Variants in TYW1B observed in about 807,000 individuals in gnomAD.
TYW1B encodes the protein tRNA-yW synthesizing protein 1 homolog B, also known as S-adenosyl-L-methionine-dependent tRNA 4-demethylwyosine synthase TYW1B.
TYW1B carries 73 observed loss-of-function variants against 86.9 expected under a neutral mutation model. The ratio of observed to expected loss-of-function variants is 0.84; its 90% CI spans 0.70 to 1.02. The LOEUF is 1.02. Ranked by LOEUF, TYW1B falls within the 50% of genes least tolerant of loss-of-function variation. TYW1B has a pLI of 0.00. For missense variants in TYW1B, 637 were observed against 827.4 expected (o/e 0.77, Z 2.82); for synonymous variants, 248 against 292.8 (o/e 0.85, Z 1.56).
rs555969072 is a variant in TYW1B, at chr7:72,673,823, T to G, written c.1506+20864A>C. Among the ~76,000 whole-genome samples the G allele has an allele frequency of 3.5e-3, 530 of 151,610 alleles. 1 individual carries two copies. Among genetic ancestry groups the G allele is most frequent in the African/African-American group, 0.01 (417 of 41,498 alleles). ...GATACCACATTTTCTATCACGTAAT[T>G]ATTACATATTATATGCCTGTATCAA... On this transcript the variant is annotated intron_variant, in intron 11 of 13. Transcript: ENST00000620995.
At chr7:72,733,268 T>G (rs1468434192) in intron 8 of TYW1B, among the ~76,000 whole-genome samples, 2 of 151,954 alleles carry the variant, frequency 1.3e-5, no homozygotes, top group Non-Finnish European at 2.9e-5. Flanking sequence ...AAACTCAGTA[T>G]TATACGAGGC....
At chr7:72,718,874 G>C (rs1358479525) in intron 9 of TYW1B, among the ~76,000 whole-genome samples, 1 of 152,110 alleles carries the variant, frequency 6.6e-6, no homozygotes, top group Non-Finnish European at 1.5e-5. Flanking sequence ...CATCGGCTAG[G>C]CCCTGGCCTC....
chr7:72,772,391 T>C (rs560112472), intron 7 of TYW1B, among the ~76,000 whole-genome samples: 1 of 152,278 alleles, frequency 6.6e-6, no homozygotes, highest in South Asian at 2.1e-4. Context: ...AGTAATGATA[T>C]ATTTCAAATG....
At chr7:72,646,389 TGA>T in intron 11 of TYW1B, among the ~76,000 whole-genome samples, 1 of 151,878 alleles carries the variant, frequency 6.6e-6, no homozygotes, top group East Asian at 1.9e-4. Context: ...ATTTTATTTT[TGA>T]GACAGGGTCT....
intron 11 of TYW1B, among the ~76,000 whole-genome samples, chr7:72,646,997 A>T (rs1361088621): frequency 6.6e-6 from 1 of 152,226 alleles, no homozygotes; most frequent in African/African-American, 2.4e-5. Flanking sequence ...ATAACCCAGG[A>T]CTACAGCTTT....
chr7:72,608,177 TA>T (rs1468891131), intron 13 of TYW1B, among the ~76,000 whole-genome samples: 3 of 152,212 alleles, frequency 2.0e-5, no homozygotes, highest in Non-Finnish European at 4.4e-5. Flanking sequence ...AGAGAATTGC[TA>T]AAGGAAGTTC....
At chr7:72,601,308 T>C (rs1415766190) in intron 13 of TYW1B, among the ~76,000 whole-genome samples, 2 of 151,144 alleles carry the variant, frequency 1.3e-5, no homozygotes, top group Non-Finnish European at 2.9e-5. Flanking sequence ...AACAGCGATA[T>C]GCCACTACAA....
chr7:72,721,313 A>C (rs1554457458), intron 9 of TYW1B, among the ~76,000 whole-genome samples: 1 of 152,192 alleles, frequency 6.6e-6, no homozygotes, highest in African/African-American at 2.4e-5. Flanking sequence ...ATCCTTGAGG[A>C]ATCACTACAC....
chr7:72,782,000 CT>C (rs1788057724), intron 6 of TYW1B, among the ~76,000 whole-genome samples: 1 of 152,126 alleles, frequency 6.6e-6, no homozygotes, highest in Non-Finnish European at 1.5e-5. Flanking sequence ...TCATATAATA[CT>C]GGTTGGGTGC....
At chr7:72,665,960 G>A (rs536262497) in intron 11 of TYW1B, among the ~76,000 whole-genome samples, 18 of 152,282 alleles carry the variant, frequency 1.2e-4, no homozygotes, top group Middle Eastern at 3.4e-3. Context: ...GTAAGTACTG[G>A]AGGAAGGCAA....
chr7:72,641,974 C>T (rs1412921859), intron 11 of TYW1B, among the ~76,000 whole-genome samples: 2 of 152,102 alleles, frequency 1.3e-5, no homozygotes, highest in Non-Finnish European at 2.9e-5. Flanking sequence ...GATTTCAAAA[C>T]GTACTCAAAG....
intron 11 of TYW1B, among the ~76,000 whole-genome samples, chr7:72,692,427 T>C (rs2960954): frequency 6.6e-6 from 1 of 151,752 alleles, no homozygotes; most frequent in Non-Finnish European, 1.5e-5. Flanking sequence ...GGCAGGAGGA[T>C]CATTTGGGCC....
chr7:72,619,386 A>G (rs1554437537), intron 12 of TYW1B, among the ~76,000 whole-genome samples: 1 of 152,124 alleles, frequency 6.6e-6, no homozygotes, highest in Non-Finnish European at 1.5e-5. Flanking sequence ...TCACGCCTGT[A>G]ATCCCAGCAC....
chr7:72,716,489 G>A (rs1325830637), intron 9 of TYW1B, among the ~76,000 whole-genome samples: 1 of 152,224 alleles, frequency 6.6e-6, no homozygotes, highest in Non-Finnish European at 1.5e-5. Flanking sequence ...TCACTGCTCA[G>A]TTGTGCCTCA....
chr7:72,576,819 C>T (rs1554428711), intron 13 of TYW1B, among the ~76,000 whole-genome samples: 2 of 151,722 alleles, frequency 1.3e-5, no homozygotes, highest in African/African-American at 2.4e-5. Context: ...GCCCATGCCA[C>T]TATCTTTTAA....
At chr7:72,608,277 C>G (rs1554435237) in intron 13 of TYW1B, among the ~76,000 whole-genome samples, 1 of 152,164 alleles carries the variant, frequency 6.6e-6, no homozygotes. Flanking sequence ...TGAGTAAATA[C>G]AATAAACTCT....
chr7:72,713,859 T>A, intron 9 of TYW1B, 61 bp from the exon 10 acceptor site: 2 of 1,488,730 alleles, frequency 1.3e-6, no homozygotes, highest in Non-Finnish European at 1.8e-6. Flanking sequence ...TGTCACGTTT[T>A]TCTTAATGAT....
chr7:72,672,508 A>ACACACACACACACACC lies in TYW1B; in HGVS notation c.1506+22178_1506+22179insGGTGTGTGTGTGTGTG, dbSNP rs1389234655. On this transcript the variant is annotated intron_variant, in intron 11 of 13. Transcript: ENST00000620995. ...CACACACACACACACACACACACACACCTGTATACACAGGTATGTAATATG... is the reference window on the plus strand; with the variant it reads ...CACACACACACACACACACACACACACACACACACACACACCCCTGTATACACAGGTATGTAATATG... Among the ~76,000 whole-genome samples the ACACACACACACACACC allele has an allele frequency of 8.0e-5, 12 of 149,790 alleles. No individual in the cohort carries two copies. The South Asian group carries it at 2.6e-3, about 32-fold the overall frequency.
intron 7 of TYW1B, among the ~76,000 whole-genome samples, chr7:72,746,750 A>T (rs4574706): frequency 0.095 from 14,394 of 152,200 alleles, 1,198 homozygotes; most frequent in East Asian, 0.33. Flanking sequence ...AAGATGGAAG[A>T]GCAACCAAGG....
Sources: gnomAD v4.1 joint callset for allele counts (sites outside exome capture counted in the v4.1 genomes callset) on GRCh38, gnomAD v4.1.1 for gene constraint, MANE v1.5 for transcripts, NCBI Gene and HGNC (gene_info 2026-07-23, HGNC 2026-07-21) for gene names.